The following L3HYPDH variants were observed in gnomAD, a reference collection of about 807,000 sequenced individuals.
L3HYPDH encodes trans-L-3-hydroxyproline dehydratase.
A neutral mutation model predicts 26.5 loss-of-function variants in L3HYPDH; 32 were observed. The ratio of observed to expected loss-of-function variants is 1.21; its 90% CI spans 0.91 to 1.62. L3HYPDH has a LOEUF of 1.62. Ranked by LOEUF, L3HYPDH falls within the 40% of genes most tolerant of loss-of-function variation. The probability of loss-of-function intolerance (pLI) is 0.00; values close to 1 mark genes in which losing one functional copy is unlikely to be tolerated. For missense variants in L3HYPDH, 554 were observed against 476.4 expected (o/e 1.16, Z -1.52); for synonymous variants, 215 against 196.6 (o/e 1.09, Z -0.78).
intron 4 of L3HYPDH, chr14:59,475,188 T>C (rs971508740): frequency 1.3e-5 from 2 of 152,030 alleles, no homozygotes; most frequent in African/African-American, 2.4e-5. Context: ...TAAAACACTA[T>C]TATAAAATAA....
At chr14:59,470,824 A>T (rs1034882146), downstream of L3HYPDH, among the ~76,000 whole-genome samples, 3 of 152,114 alleles carry the variant, frequency 2.0e-5, no homozygotes, top group Non-Finnish European at 4.4e-5. Context: ...AAGCTTAAAT[A>T]CCAAGGGAAG....
chr14:59,498,414 G>A, the L3HYPDH span, among the ~76,000 whole-genome samples: 3 of 152,154 alleles, frequency 2.0e-5, no homozygotes, highest in South Asian at 2.1e-4. Context: ...TCCTTGTACA[G>A]TAGGTTTTTT....
At chr14:59,479,458 T>C in intron 1 of L3HYPDH, 107 bp from the exon 2 acceptor site, 1 of 1,030,996 alleles carries the variant, frequency 9.7e-7, no homozygotes, top group Non-Finnish European at 1.4e-6. Flanking sequence ...GGATGTTCTT[T>C]TCCTATCATA....
the L3HYPDH span, among the ~76,000 whole-genome samples, chr14:59,502,809 T>A: frequency 6.9e-5 from 8 of 115,370 alleles, no homozygotes; most frequent in African/African-American, 2.8e-4. Context: ...ATGAGTGCAG[T>A]GGTGCAGTCT....
chr14:59,498,481 A>T, the L3HYPDH span, among the ~76,000 whole-genome samples: 2 of 152,190 alleles, frequency 1.3e-5, no homozygotes, highest in Non-Finnish European at 2.9e-5. Flanking sequence ...TTGCTGAATC[A>T]AAAGGGATAA....
chr14:59,483,484 C>T, intron 1 of L3HYPDH: 1 of 1,270,152 alleles, frequency 7.9e-7, no homozygotes, highest in Non-Finnish European at 9.9e-7. Context: ...CTTGACCCCA[C>T]CGTACCTTGC....
downstream of L3HYPDH, among the ~76,000 whole-genome samples, chr14:59,469,558 TAAAAAAAAAAAA>T (rs36113229): frequency 4.8e-4 from 21 of 43,310 alleles, no homozygotes; most frequent in South Asian, 1.3e-3. Context: ...TCCATCTCAT[TAAAAAAAAAAAA>T]AAAAAAAAAA....
intron 2 of L3HYPDH, 128 bp downstream of exon 2, chr14:59,479,054 A>G (rs960078632): frequency 1.4e-6 from 1 of 711,630 alleles, no homozygotes; most frequent in African/African-American, 1.9e-5. Context: ...TAAGATTTTA[A>G]TAAGTACCCT....
At chr14:59,478,852 G>T in intron 2 of L3HYPDH, 1 of 193,634 alleles carries the variant, frequency 5.2e-6, no homozygotes, top group Non-Finnish European at 1.0e-5. Context: ...GGGCCACACT[G>T]GGAGAAGAAT....
At position 59,484,297 on chromosome 14, in the gene L3HYPDH, AC is replaced by A; in HGVS notation, c.19del (p.Val7CysfsTer74). Reference protein sequence around the residue: MESALAVPRLPPHDPGT... With the variant: MESALAXPRLPPHDPGT... ...TGGATCATGCGGGGGCAGCCGGGGC[AC>A]CGCCAGCGCGCTCTCCATGGTCTGC... On this transcript the variant is annotated frameshift_variant, in exon 1 of 5. Coordinates refer to ENST00000247194, the MANE Select transcript of L3HYPDH (RefSeq NM_144581.2). LOFTEE classifies it high-confidence loss of function. 6.3e-7 allele frequency: 1 copy of A among 1,590,574 alleles called. No homozygotes were observed. The highest frequency in any genetic ancestry group is 8.5e-7 in the Non-Finnish European group (1 of 1,175,752).
chr14:59,484,201 C>T lies in L3HYPDH; in HGVS notation c.116G>A (p.Cys39Tyr). ...GEPLRIVLAG[C>Y]PEVSGPTLLA... ...CAGGGTGGGCCCAGACACCTCCGGA[C>T]ACCCCGCCAGCACGATACGCAAGGG... Residue 39 changes from cysteine (C) to tyrosine (Y), a missense_variant, in exon 1 of 5, where the codon TGT becomes TAT. Physicochemically the swap from Cys to Tyr is radical, Grantham distance 194. Coordinates refer to ENST00000247194, the MANE Select transcript of L3HYPDH (RefSeq NM_144581.2). 1.3e-6 allele frequency: 2 copies of T among 1,598,864 alleles called. No individual in the cohort carries two copies. Among genetic ancestry groups the T allele is most frequent in the Non-Finnish European group, 1.7e-6 (2 of 1,179,662 alleles).
At chr14:59,478,921 A>T (rs913269447) in intron 2 of L3HYPDH, 2 of 338,608 alleles carry the variant, frequency 5.9e-6, no homozygotes, top group African/African-American at 4.3e-5. Context: ...GCTAAAAAAA[A>T]ATTGCAAAAA....
At chr14:59,476,935 T>C (rs1280299661) in intron 2 of L3HYPDH, among the ~76,000 whole-genome samples, 2 of 152,194 alleles carry the variant, frequency 1.3e-5, no homozygotes, top group African/African-American at 4.8e-5. Context: ...TCTGCAAACA[T>C]TTACAGTATG....
chr14:59,469,665 G>A (rs1177354326), downstream of L3HYPDH, among the ~76,000 whole-genome samples: 3 of 149,110 alleles, frequency 2.0e-5, no homozygotes, highest in Admixed American at 1.3e-4. Flanking sequence ...CATCAACAAA[G>A]AGGACAAAGA....
At chr14:59,487,730 A>C (rs760804683), upstream of L3HYPDH, 8 of 1,613,212 alleles carry the variant, frequency 5.0e-6, no homozygotes, top group Admixed American at 8.3e-5. Flanking sequence ...CTTGCACAGA[A>C]TCTCCTGAAC....
At position 59,476,059 on chromosome 14, in the gene L3HYPDH, GGC is replaced by G. The variant is rs1198789960; in HGVS notation, c.801+31_801+32del. ...GTTCATAGTGTGTTCCATATTACCT[GGC>G]TTTTGTCCCTAAACATTACAGTTTT... On this transcript the variant is annotated intron_variant, in intron 3 of 4. Transcript: ENST00000247194. The G allele has an allele frequency of 2.5e-6, 4 of 1,613,474 alleles. No individual in the cohort carries two copies. In the African/African-American group the frequency reaches 5.3e-5, roughly 22 times the overall value.
At chr14:59,484,899 G>C, upstream of L3HYPDH, 1 of 1,400,936 alleles carries the variant, frequency 7.1e-7, no homozygotes, top group East Asian at 2.5e-5. Flanking sequence ...GTTGACTTCG[G>C]AATTGAAAAC....
At chr14:59,500,618 T>C in the L3HYPDH span, among the ~76,000 whole-genome samples, 8 of 152,220 alleles carry the variant, frequency 5.3e-5, no homozygotes, top group East Asian at 7.7e-4. Flanking sequence ...GTTACTCTTA[T>C]AGATAACCTT....
upstream of L3HYPDH, chr14:59,485,002 C>G (rs746552148): frequency 1.3e-6 from 2 of 1,583,468 alleles, no homozygotes; most frequent in Non-Finnish European, 1.7e-6. Flanking sequence ...TTATAGCGCC[C>G]GTCACAAAGG....
Sources: allele counts gnomAD v4.1 joint callset (sites outside exome capture counted in the v4.1 genomes callset), GRCh38; gene constraint gnomAD v4.1.1; transcripts MANE v1.5; gene names NCBI Gene and HGNC (gene_info 2026-07-23, HGNC 2026-07-21).